Variants in DZANK1 observed in about 807,000 individuals in gnomAD.
DZANK1 encodes double zinc ribbon and ankyrin repeat-containing protein 1.
Under a neutral mutation model 94.5 loss-of-function variants are expected in DZANK1, and 91 were observed. That is an observed-to-expected ratio of 0.96 (90% CI 0.81 to 1.15). DZANK1 has a LOEUF of 1.15. Among genes scored for constraint, DZANK1 ranks in the 50% most tolerant of loss-of-function variants. DZANK1 has a pLI of 0.00. For synonymous variants in DZANK1, 312 were observed against 325.3 expected (o/e 0.96, Z 0.44); for missense variants, 903 against 916.4 (o/e 0.99, Z 0.19).
chr20:18,435,393 C>T (rs1210748419), intron 8 of DZANK1, among the ~76,000 whole-genome samples: 1 of 152,190 alleles, frequency 6.6e-6, no homozygotes, highest in Admixed American at 6.5e-5. Context: ...GGCACATATG[C>T]ACCATGGAAT....
intron 11 of DZANK1, 49 bp from the exon 12 acceptor site, chr20:18,414,561 A>G: frequency 1.3e-6 from 2 of 1,536,336 alleles, no homozygotes; most frequent in Non-Finnish European, 1.8e-6. Flanking sequence ...TAATTTCCTC[A>G]TGTAAATTAT....
At chr20:18,389,971 G>A in intron 18 of DZANK1, 143 bp from the exon 19 acceptor site, 1 of 1,303,624 alleles carries the variant, frequency 7.7e-7, no homozygotes, top group Non-Finnish European at 1.0e-6. Flanking sequence ...GGAGAATCAG[G>A]AACCTCAAGA....
intron 13 of DZANK1, among the ~76,000 whole-genome samples, chr20:18,412,240 C>T (rs2057293395): frequency 1.3e-5 from 2 of 152,086 alleles, no homozygotes; most frequent in Non-Finnish European, 2.9e-5. Context: ...GGATTGCAGG[C>T]ATGAGTCACC....
chr20:18,395,422 AT>A (rs2056283498), intron 15 of DZANK1, among the ~76,000 whole-genome samples: 1 of 152,212 alleles, frequency 6.6e-6, no homozygotes, highest in Non-Finnish European at 1.5e-5. Flanking sequence ...AGTTACTCCA[AT>A]TCTACTTGTG....
intron 8 of DZANK1, among the ~76,000 whole-genome samples, chr20:18,438,973 T>C (rs1198835735): frequency 6.6e-6 from 1 of 152,198 alleles, no homozygotes; most frequent in Non-Finnish European, 1.5e-5. Flanking sequence ...GGTTGGGATT[T>C]CAACATACGA....
At chr20:18,392,491 G>A (rs950595886) in intron 17 of DZANK1, among the ~76,000 whole-genome samples, 3 of 152,176 alleles carry the variant, frequency 2.0e-5, no homozygotes, top group African/African-American at 4.8e-5. Flanking sequence ...GGAAGCACAC[G>A]GCATCATGCA....
At chr20:18,392,852 G>A (rs1326736252) in intron 17 of DZANK1, among the ~76,000 whole-genome samples, 3 of 152,198 alleles carry the variant, frequency 2.0e-5, no homozygotes, top group Admixed American at 1.3e-4. Flanking sequence ...AGGTAGGAGT[G>A]TTTTCTTTCC....
chr20:18,457,890 C>G (rs1343260221), intron 3 of DZANK1, among the ~76,000 whole-genome samples: 2 of 152,154 alleles, frequency 1.3e-5, no homozygotes, highest in Non-Finnish European at 2.9e-5. Context: ...TGGGGGACAT[C>G]CAGCAGCCTC....
At chr20:18,384,911 C>A in intron 20 of DZANK1, 105 bp downstream of exon 20, 1 of 1,099,930 alleles carries the variant, frequency 9.1e-7, no homozygotes, top group Non-Finnish European at 1.3e-6. Flanking sequence ...TCCCCATGGA[C>A]AGGGACAGCA....
chr20:18,410,682 T>C (rs540019491), intron 13 of DZANK1, among the ~76,000 whole-genome samples: 4 of 152,260 alleles, frequency 2.6e-5, no homozygotes, highest in South Asian at 4.1e-4. Context: ...CACAGGGGCT[T>C]ATGCCTGTAA....
chr20:18,400,668 C>T (rs1298071068), intron 13 of DZANK1, among the ~76,000 whole-genome samples: 1 of 152,190 alleles, frequency 6.6e-6, no homozygotes, highest in Non-Finnish European at 1.5e-5. Context: ...TCTGGAGAGT[C>T]CACTATGAGT....
chr20:18,414,619 AT>A, intron 11 of DZANK1, 107 bp from the exon 12 acceptor site: 1 of 1,317,544 alleles, frequency 7.6e-7, no homozygotes, highest in Non-Finnish European at 1.0e-6. Flanking sequence ...TGACCCAGCC[AT>A]TCTACCTTCC....
At chr20:18,406,942 G>C (rs1035737870) in intron 13 of DZANK1, among the ~76,000 whole-genome samples, 2 of 152,244 alleles carry the variant, frequency 1.3e-5, no homozygotes, top group South Asian at 2.1e-4. Flanking sequence ...ACCAGTAGTG[G>C]TGGTGGCCAC....
chr20:18,398,737 T>C, intron 13 of DZANK1, 111 bp from the exon 14 acceptor site: 1 of 1,064,154 alleles, frequency 9.4e-7, no homozygotes, highest in Non-Finnish European at 1.4e-6. Flanking sequence ...TTGTCAAACT[T>C]TGTGATGGAC....
intron 7 of DZANK1, 137 bp from the exon 8 acceptor site, chr20:18,443,601 C>T (rs2058780681): frequency 1.8e-6 from 1 of 544,582 alleles, no homozygotes. Context: ...GGAACAAGTT[C>T]AAGACAGGAA....
At chr20:18,450,493 T>C (rs1191198578) in intron 6 of DZANK1, among the ~76,000 whole-genome samples, 1 of 152,260 alleles carries the variant, frequency 6.6e-6, no homozygotes, top group Non-Finnish European at 1.5e-5. Context: ...TATTTGGCAT[T>C]GGCTCCCATA....
At chr20:18,447,236 G>C (rs940760419) in intron 7 of DZANK1, among the ~76,000 whole-genome samples, 13 of 152,220 alleles carry the variant, frequency 8.5e-5, no homozygotes, top group Admixed American at 5.9e-4. Context: ...ACTACTTTGG[G>C]AGGTTGAGGG....
At chr20:18,411,225 G>C (rs1028008027) in intron 13 of DZANK1, among the ~76,000 whole-genome samples, 2 of 152,050 alleles carry the variant, frequency 1.3e-5, no homozygotes, top group African/African-American at 2.4e-5. Flanking sequence ...TCTTGGAAAA[G>C]ATCAATGAAA....
At chr20:18,427,088 C>A (rs2058077747) in exon 10 of DZANK1, 1 of 1,611,488 alleles carries the variant, frequency 6.2e-7, no homozygotes, top group African/African-American at 1.3e-5. Flanking sequence ...AAGGCAGGGC[C>A]CCCTCACAGG....
Sources: gnomAD v4.1 joint callset for allele counts (sites outside exome capture counted in the v4.1 genomes callset) on GRCh38, gnomAD v4.1.1 for gene constraint, MANE v1.5 for transcripts, NCBI Gene and HGNC (gene_info 2026-07-23, HGNC 2026-07-21) for gene names.